The following TBC1D15 variants were observed in gnomAD, a reference collection of about 807,000 sequenced individuals.
TBC1D15 encodes GAP for RAB7.
A neutral mutation model predicts 95.4 loss-of-function variants in TBC1D15; 39 were observed. The ratio of observed to expected loss-of-function variants is 0.41; its 90% confidence interval spans 0.32 to 0.53. The LOEUF is 0.53. TBC1D15 is among the 20% of genes least tolerant of loss of function. TBC1D15 has a pLI of 0.29. For synonymous variants in TBC1D15, 258 were observed against 261.3 expected, an observed-to-expected ratio of 0.99 and a Z score of 0.12; for missense variants, 733 against 794.3, an observed-to-expected ratio of 0.92 and a Z score of 0.93.
intron 5 of TBC1D15, among the ~76,000 whole-genome samples, chr12:71,886,862 C>T (rs145595198): frequency 5.8e-4 from 88 of 152,116 alleles, no homozygotes; most frequent in African/African-American, 2.1e-3. Flanking sequence ...GGAGTTTTAG[C>T]ACCATAGTAA....
At chr12:71,873,187 C>T (rs1005779817) in intron 3 of TBC1D15, among the ~76,000 whole-genome samples, 184 bp downstream of exon 3, 9 of 152,196 alleles carry the variant, frequency 5.9e-5, no homozygotes, top group African/African-American at 2.2e-4. Flanking sequence ...TCATCACCCT[C>T]CAGAACTCTG....
intron 1 of TBC1D15, among the ~76,000 whole-genome samples, chr12:71,844,445 A>G (rs1759942378): frequency 1.3e-5 from 2 of 152,180 alleles, no homozygotes; most frequent in Non-Finnish European, 2.9e-5. Flanking sequence ...CTAAGAACAT[A>G]TATCCTCTGC....
At chr12:71,840,386 G>A (rs1168381571) in intron 1 of TBC1D15, among the ~76,000 whole-genome samples, 1 of 152,206 alleles carries the variant, frequency 6.6e-6, no homozygotes, top group Admixed American at 6.5e-5. Flanking sequence ...GAGAAATGGA[G>A]ATTTACACCA....
At chr12:71,854,233 ATTG>A (rs1323227612) in intron 1 of TBC1D15, among the ~76,000 whole-genome samples, 3 of 152,174 alleles carry the variant, frequency 2.0e-5, no homozygotes, top group Non-Finnish European at 4.4e-5. Context: ...CATGAAAACT[ATTG>A]TTTCACAGAT....
At position 71,863,136 on chromosome 12, in the gene TBC1D15, T is replaced by C. The variant is rs372071973; in HGVS notation, c.31-8934T>C. ...GTTCACGCCTACAATCTCAGCACTT[T>C]GGGAGGCTGAGGCGAGCGGATCACG... On this transcript the variant is annotated intron_variant, in intron 1 of 16. Coordinates refer to ENST00000485960, the MANE Select transcript of TBC1D15 (RefSeq NM_001146213.3). 5.9e-5 allele frequency among the ~76,000 whole-genome samples: 9 copies of C among 152,254 alleles called. No homozygotes were observed. In the East Asian group the frequency reaches 1.2e-3, roughly 20 times the overall value.
chr12:71,890,948 G>T (rs1897103927), intron 5 of TBC1D15, among the ~76,000 whole-genome samples: 1 of 151,870 alleles, frequency 6.6e-6, no homozygotes. Context: ...TTGTATATTG[G>T]GCCATTTTTA....
In TBC1D15 at chr12:71,893,228, A is replaced by G; in HGVS notation, c.561A>G (p.Pro187=). Residue 187 remains proline, a synonymous_variant, in exon 6 of 17, where the codon CCA becomes CCG. Coordinates refer to ENST00000485960, the MANE Select transcript of TBC1D15 (RefSeq NM_001146213.3). ...LEKYVVLCES[P]QDKRTLLVNC... ...ATCCTCTTTTTTATTATAGATCTCC[A>G]CAGGATAAAAGAACACTTCTTGTGA... 6.3e-7 allele frequency: 1 copy of G among 1,598,822 alleles called. No homozygotes were observed. Among genetic ancestry groups the G allele is most frequent in the African/African-American group, 1.4e-5 (1 of 74,040 alleles).
At chr12:71,878,774 C>G (rs1894514287) in intron 3 of TBC1D15, among the ~76,000 whole-genome samples, 1 of 151,516 alleles carries the variant, frequency 6.6e-6, no homozygotes, top group African/African-American at 2.4e-5. Flanking sequence ...GCCTTGGCCT[C>G]CCAAAGTGCT....
At chr12:71,909,365 A>AT (rs2138936803) in intron 11 of TBC1D15, among the ~76,000 whole-genome samples, 1 of 152,198 alleles carries the variant, frequency 6.6e-6, no homozygotes, top group East Asian at 1.9e-4. Flanking sequence ...TAGGTGAGGT[A>AT]TAGGTGTATT....
chr12:71,877,062 C>T (rs1893998690), intron 3 of TBC1D15, among the ~76,000 whole-genome samples: 1 of 152,078 alleles, frequency 6.6e-6, no homozygotes. Flanking sequence ...CTGTCCACCT[C>T]AGCCTCCCAA....
In TBC1D15 at chr12:71,917,730, G is replaced by A. The variant is rs760864834; in HGVS notation, c.1434G>A (p.Met478Ile). The A allele has an allele frequency of 6.2e-7, 1 of 1,612,660 alleles. No individual in the cohort carries two copies. The highest frequency in any genetic ancestry group is 1.1e-5 in the South Asian group (1 of 90,842). The change falls in exon 13 of 17, where the codon ATG (methionine) becomes ATA (isoleucine). Residue 478 changes from methionine to isoleucine, a missense_variant. Coordinates refer to ENST00000485960, the MANE Select transcript of TBC1D15 (RefSeq NM_001146213.3). ...ATTTTGAAGAACAAATGCAAGGCAT[G>A]AAGACCCAGCTAATTCAGCTGAGTA... Reference protein sequence around the residue: ...HQNFEEQMQGMKTQLIQLSTL... With the variant: ...HQNFEEQMQGIKTQLIQLSTL...
At chr12:71,848,121 TAAATA>T (rs1254388931) in intron 1 of TBC1D15, among the ~76,000 whole-genome samples, 2 of 152,076 alleles carry the variant, frequency 1.3e-5, no homozygotes, top group African/African-American at 2.4e-5. Flanking sequence ...AACAAACAAA[TAAATA>T]AAATAAATTA....
intron 5 of TBC1D15, among the ~76,000 whole-genome samples, chr12:71,890,991 T>G (rs1340819995): frequency 6.6e-6 from 1 of 152,186 alleles, no homozygotes; most frequent in African/African-American, 2.4e-5. Flanking sequence ...CAGTAAAATA[T>G]TCCCTTAAAA....
At chr12:71,912,058 CGTA>C (rs1218267562) in intron 11 of TBC1D15, among the ~76,000 whole-genome samples, 3 of 152,090 alleles carry the variant, frequency 2.0e-5, no homozygotes, top group African/African-American at 7.2e-5. Context: ...GGCTCAGTAA[CGTA>C]GTACTCTTGC....
At chr12:71,907,760 C>T (rs1901113320) in intron 11 of TBC1D15, 1 of 152,152 alleles carries the variant, frequency 6.6e-6, no homozygotes, top group Non-Finnish European at 1.5e-5. Flanking sequence ...ATATGCTTTT[C>T]CCGTTGTGAA....
chr12:71,868,528 G>A (rs1214006068), intron 1 of TBC1D15, among the ~76,000 whole-genome samples: 1 of 152,122 alleles, frequency 6.6e-6, no homozygotes, highest in Non-Finnish European at 1.5e-5. Flanking sequence ...TTACAGGTGT[G>A]AGCCACTGTG....
At chr12:71,906,344 G>A (rs1340826730) in intron 10 of TBC1D15, among the ~76,000 whole-genome samples, 1 of 152,148 alleles carries the variant, frequency 6.6e-6, no homozygotes, top group Non-Finnish European at 1.5e-5. Flanking sequence ...ATGCCTTGTG[G>A]TAAAGTCTCT....
intron 3 of TBC1D15, among the ~76,000 whole-genome samples, chr12:71,879,883 T>G (rs1344075059): frequency 6.6e-6 from 1 of 152,230 alleles, no homozygotes; most frequent in Non-Finnish European, 1.5e-5. Flanking sequence ...ATATGGTGTC[T>G]TTTGTTGTAT....
chr12:71,912,208 TA>T (rs1902543816), intron 11 of TBC1D15, among the ~76,000 whole-genome samples: 1 of 152,192 alleles, frequency 6.6e-6, no homozygotes, highest in Non-Finnish European at 1.5e-5. Context: ...ATTCTTTTTT[TA>T]AAAGTGTGCA....
Sources: gnomAD v4.1 joint callset for allele counts (sites outside exome capture counted in the v4.1 genomes callset) on GRCh38, gnomAD v4.1.1 for gene constraint, MANE v1.5 for transcripts, NCBI Gene and HGNC (gene_info 2026-07-23, HGNC 2026-07-21) for gene names.